Variants in PLIN3 observed in about 807,000 individuals in gnomAD.
The protein encoded by PLIN3 is perilipin 3.
In PLIN3, 30 loss-of-function variants were observed where a neutral mutation model predicts 35.9. The observed-to-expected ratio is 0.84, with a 90% confidence interval of 0.62 to 1.13. PLIN3 has a LOEUF of 1.13. PLIN3 is among the 50% of genes most tolerant of loss of function. The probability of loss-of-function intolerance (pLI) is 0.00; values close to 1 mark genes in which losing one functional copy is unlikely to be tolerated. For synonymous variants in PLIN3, 261 were observed against 262.5 expected, an observed-to-expected ratio of 0.99 and a Z score of 0.06; for missense variants, 603 against 596.9, an observed-to-expected ratio of 1.01 and a Z score of -0.11.
Position 4,839,098 on chromosome 19 carries a change from G to T in PLIN3, c.*94C>A. ...CAGCACAGAAGAGCTGGGAGGAGTGGCTAGAAAATAAGTTTGAAATGAGCC... is the reference window on the plus strand; with the variant it reads ...CAGCACAGAAGAGCTGGGAGGAGTGTCTAGAAAATAAGTTTGAAATGAGCC... On this transcript the variant is annotated 3_prime_UTR_variant, in exon 8 of 8. Transcript: ENST00000221957. 2 of 1,023,670 alleles carry T rather than the reference G, an allele frequency of 2.0e-6. No homozygotes were observed. The highest frequency in any genetic ancestry group is 2.9e-6 in the Non-Finnish European group (2 of 695,746). 63.4% of individuals were successfully genotyped at this position (1,023,670 alleles called of 1,614,324 possible). A position where few individuals can be genotyped will look rare whatever the true frequency, so the allele number is the denominator to read the frequency against.
intron 5 of PLIN3, among the ~76,000 whole-genome samples, chr19:4,851,618 T>C (rs1003956196): frequency 6.6e-6 from 1 of 151,826 alleles, no homozygotes; most frequent in African/African-American, 2.4e-5. Context: ...TAGTCACGTA[T>C]TTATGCAGGA....
chr19:4,864,157 GTTT>G (rs534017690), intron 1 of PLIN3, among the ~76,000 whole-genome samples: 2 of 119,922 alleles, frequency 1.7e-5, no homozygotes, highest in East Asian at 2.5e-4. Context: ...GTGTGGTTTT[GTTT>G]TTTTTTTTTG....
intron 4 of PLIN3, among the ~76,000 whole-genome samples, chr19:4,855,263 A>G (rs941833569): frequency 6.6e-6 from 1 of 151,088 alleles, no homozygotes; most frequent in African/African-American, 2.4e-5. Flanking sequence ...AAAAAAAAAA[A>G]AAAAAAAAAA....
intron 2 of PLIN3, among the ~76,000 whole-genome samples, chr19:4,860,433 G>A (rs2030636407): frequency 6.6e-6 from 1 of 151,864 alleles, no homozygotes; most frequent in Non-Finnish European, 1.5e-5. Context: ...TTGAACTCCT[G>A]ACCTCGTGAT....
intron 3 of PLIN3, 35 bp from the exon 4 acceptor site, chr19:4,859,707 T>C: frequency 2.5e-6 from 4 of 1,605,990 alleles, no homozygotes; most frequent in Non-Finnish European, 3.4e-6. Context: ...ATGTGACTGC[T>C]GGAAGGTCAC....
At chr19:4,852,416 C>G in intron 4 of PLIN3, 115 bp from the exon 5 acceptor site, 1 of 1,255,276 alleles carries the variant, frequency 8.0e-7, no homozygotes, top group Middle Eastern at 2.2e-4. Context: ...CCGGGTGACC[C>G]CAGCATCTCC....
rs750174592 is a variant in PLIN3, at chr19:4,839,221, T to C, written c.1276A>G (p.Thr426Ala). Residue 426 changes from threonine (T) to alanine (A), a missense_variant, in exon 8 of 8, where the codon ACT becomes GCT. Thr to Ala is a moderately conservative substitution (Grantham distance 58). Transcript: ENST00000221957. ...WLVGPFAPGI[T>A]EKAPEEKK ...TTCTTCTCCTCCGGGGCTTTCTCAG[T>C]GATTCCAGGGGCAAAGGGTCCCACG... 1 of 1,607,922 alleles carries C rather than the reference T, an allele frequency of 6.2e-7. No individual in the cohort carries two copies. The highest frequency in any genetic ancestry group is 8.5e-7 in the Non-Finnish European group (1 of 1,175,202).
At chr19:4,844,343 G>A (rs1182904936) in intron 7 of PLIN3, among the ~76,000 whole-genome samples, 2 of 152,098 alleles carry the variant, frequency 1.3e-5, no homozygotes, top group East Asian at 1.9e-4. Context: ...GTGAGCGCCT[G>A]TAATCCCAGC....
chr19:4,861,035 A>G (rs2030657036), intron 2 of PLIN3, among the ~76,000 whole-genome samples: 1 of 152,106 alleles, frequency 6.6e-6, no homozygotes, highest in East Asian at 1.9e-4. Flanking sequence ...CTGGCCTCCT[A>G]GGACGTCCCT....
chr19:4,859,762 C>T lies in PLIN3; in HGVS notation c.265+64G>A, dbSNP rs190599490. The T allele has an allele frequency of 9.5e-5, 152 of 1,597,272 alleles. No homozygotes were observed. In the African/African-American group the frequency reaches 1.8e-3, roughly 19 times the overall value. On this transcript the variant is annotated intron_variant, in intron 3 of 7. Coordinates refer to ENST00000221957, the MANE Select transcript of PLIN3 (RefSeq NM_005817.5). ...ACAGGACCAAGAGCTGGGTAGACCC[C>T]CCTACTCCCCACCCAGGGAAATGAC...
At chr19:4,843,510 A>AAAATAAATAAAT (rs111319930) in intron 7 of PLIN3, among the ~76,000 whole-genome samples, 19,100 of 139,304 alleles carry the variant, frequency 0.14, 1,592 homozygotes, top group African/African-American at 0.21. Flanking sequence ...TCCATCTCAA[A>AAAATAAATAAAT]AAATAAATAA....
intron 5 of PLIN3, among the ~76,000 whole-genome samples, chr19:4,848,282 C>A (rs999384801): frequency 2.0e-5 from 3 of 152,194 alleles, no homozygotes; most frequent in Admixed American, 6.6e-5. Flanking sequence ...CCACACCTGG[C>A]CATGCTGTCC....
At chr19:4,852,438 G>T in intron 4 of PLIN3, 137 bp from the exon 5 acceptor site, 1 of 1,025,794 alleles carries the variant, frequency 9.7e-7, no homozygotes, top group East Asian at 2.6e-5. Flanking sequence ...TCTTCCCTCT[G>T]TATGTGGGCA....
At chr19:4,864,137 GT>G (rs2030768926) in intron 1 of PLIN3, among the ~76,000 whole-genome samples, 1 of 36,788 alleles carries the variant, frequency 2.7e-5, no homozygotes, top group African/African-American at 7.1e-5. Flanking sequence ...GTGTGTGTGT[GT>G]GTGTGTGTGT....
intron 1 of PLIN3, among the ~76,000 whole-genome samples, chr19:4,865,468 G>A (rs1393694075): frequency 6.6e-6 from 1 of 150,504 alleles, no homozygotes; most frequent in Non-Finnish European, 1.5e-5. Context: ...CAGCCCGGGT[G>A]ACAGAGGGAG....
At chr19:4,844,150 C>T (rs2030003151) in intron 7 of PLIN3, among the ~76,000 whole-genome samples, 1 of 151,802 alleles carries the variant, frequency 6.6e-6, no homozygotes, top group South Asian at 2.1e-4. Context: ...GTGGAGGGGG[C>T]CGGAGAATAC....
chr19:4,844,682 G>T lies in PLIN3; in HGVS notation c.946C>A (p.Pro316Thr). 1 of 1,609,210 alleles carries T rather than the reference G, an allele frequency of 6.2e-7. No individual in the cohort carries two copies. The highest frequency in any genetic ancestry group is 1.1e-5 in the South Asian group (1 of 90,100). ...QKQLQGPEKE[P>T]PKPEQVESRA... Reference sequence around the variant, plus strand: ...CTCATGGGTACCTCTGGCTTGGGCGGCTCCTTCTCGGGGCCCTGGAGCTGC... The same window carrying T: ...CTCATGGGTACCTCTGGCTTGGGCGTCTCCTTCTCGGGGCCCTGGAGCTGC... The change falls in exon 7 of 8, where the codon CCG becomes ACG. Residue 316 changes from proline (P) to threonine (T), a missense_variant. By Grantham distance (38) the Pro-to-Thr change is conservative. Transcript: ENST00000221957.
intron 7 of PLIN3, among the ~76,000 whole-genome samples, chr19:4,844,090 CA>C (rs1177582398): frequency 6.6e-6 from 1 of 152,068 alleles, no homozygotes; most frequent in African/African-American, 2.4e-5. Context: ...GGTGGTGGGA[CA>C]GGCAGCGAGA....
chr19:4,862,379 G>A (rs144068703), intron 1 of PLIN3, among the ~76,000 whole-genome samples: 1,805 of 151,600 alleles, frequency 0.012, 16 homozygotes, highest in Non-Finnish European at 0.017. Flanking sequence ...TGATCCGCCC[G>A]CCTCGGCCTC....
Sources: gnomAD v4.1 joint callset for allele counts (sites outside exome capture counted in the v4.1 genomes callset) on GRCh38, gnomAD v4.1.1 for gene constraint, MANE v1.5 for transcripts, NCBI Gene and HGNC (gene_info 2026-07-23, HGNC 2026-07-21) for gene names.